The following ZMYND11 variants were observed in gnomAD, a reference collection of about 807,000 sequenced individuals.
ZMYND11 encodes zinc finger MYND-type containing 11.
A neutral mutation model predicts 84.9 loss-of-function variants in ZMYND11; 9 were observed. The ratio of observed to expected loss-of-function variants is 0.11; its 90% CI spans 0.06 to 0.18. The LOEUF (loss-of-function observed/expected upper bound fraction) is 0.18. Ranked by LOEUF, ZMYND11 falls within the 10% of genes least tolerant of loss-of-function variation. ZMYND11 has a pLI of 1.00. For synonymous variants in ZMYND11, 250 were observed against 244.1 expected (o/e 1.02, Z -0.23); for missense variants, 409 against 761.0 (o/e 0.54, Z 5.44).
Position 253,123 on chromosome 10 carries a change from A to T in ZMYND11, c.*653A>T, listed in dbSNP as rs1953820187. The T allele has an allele frequency of 6.6e-6, 1 of 152,654 alleles. No homozygotes were observed. The highest frequency in any genetic ancestry group is 2.4e-5 in the African/African-American group (1 of 41,472). The allele number at this position is 152,654 out of a possible 1,614,324, so 9.5% of individuals were successfully genotyped here. A position where few individuals can be genotyped will look rare whatever the true frequency, so the allele number is the denominator to read the frequency against. On this transcript the variant is annotated 3_prime_UTR_variant, in exon 15 of 15. Transcript: ENST00000381604. ...ATTAGCTTTGATCTTGTAGTTTAAA[A>T]TTGCAGGGAACTGGGGTAATCTTTT...
At chr10:174,840 A>G (rs1554766558) in intron 1 of ZMYND11, among the ~76,000 whole-genome samples, 8 of 144,812 alleles carry the variant, frequency 5.5e-5, no homozygotes, top group African/African-American at 1.0e-4. Flanking sequence ...TCATTCATAC[A>G]TTGGTCAGAA....
chr10:184,462 GGTGTAT>G (rs1397615190), intron 2 of ZMYND11, among the ~76,000 whole-genome samples: 1 of 151,536 alleles, frequency 6.6e-6, no homozygotes, highest in African/African-American at 2.4e-5. Flanking sequence ...AACATTATCT[GGTGTAT>G]ATTCATTTTT....
At chr10:222,004 G>A (rs944578011) in intron 4 of ZMYND11, among the ~76,000 whole-genome samples, 1 of 152,162 alleles carries the variant, frequency 6.6e-6, no homozygotes, top group Non-Finnish European at 1.5e-5. Context: ...AATGTGGTAT[G>A]TGTGTGTATA....
chr10:240,226 C>A, intron 8 of ZMYND11, 115 bp downstream of exon 8: 1 of 944,638 alleles, frequency 1.1e-6, no homozygotes, highest in Non-Finnish European at 1.5e-6. Context: ...TCTTTTATTG[C>A]CGGGCGTGGG....
At chr10:185,347 A>T (rs1937945610) in intron 2 of ZMYND11, among the ~76,000 whole-genome samples, 1 of 151,850 alleles carries the variant, frequency 6.6e-6, no homozygotes, top group South Asian at 2.1e-4. Flanking sequence ...GCATGACCTA[A>T]TTTTGTTGTA....
At chr10:211,400 C>A (rs1367043561) in intron 3 of ZMYND11, among the ~76,000 whole-genome samples, 1 of 152,050 alleles carries the variant, frequency 6.6e-6, no homozygotes, top group Admixed American at 6.6e-5. Flanking sequence ...ATAAAAATGA[C>A]ATAGAATCTT....
intron 1 of ZMYND11, among the ~76,000 whole-genome samples, chr10:144,019 A>AAC (rs1554754623): frequency 6.6e-6 from 1 of 151,798 alleles, no homozygotes; most frequent in South Asian, 2.1e-4. Context: ...AAAAAAAAAA[A>AAC]AACTGCCATT....
Position 252,270 on chromosome 10 carries a change from T to C in ZMYND11, c.1687-78T>C. The stretch of plus-strand genomic sequence containing the variant: ...AGAAAGATCTTTTAAAAGCACCACC[T>C]CAAGAGTTTGCCATTTTAACCAGTC... On this transcript the variant is annotated intron_variant, in intron 14 of 14. Transcript: ENST00000381604. This position sits in a 1 kb window ranked among gnomAD's most constrained non-coding sequence, Gnocchi z 4.6. 4 of 1,550,184 alleles carry C rather than the reference T, an allele frequency of 2.6e-6. No homozygotes were observed. Among genetic ancestry groups the C allele is most frequent in the Non-Finnish European group, 3.5e-6 (4 of 1,135,048 alleles).
chr10:152,462 A>G (rs1840620270), intron 1 of ZMYND11, among the ~76,000 whole-genome samples: 1 of 152,250 alleles, frequency 6.6e-6, no homozygotes, highest in Non-Finnish European at 1.5e-5. Context: ...ATCAAAAGAG[A>G]CAAAGCCATT....
Sources: allele counts gnomAD v4.1 joint callset (sites outside exome capture counted in the v4.1 genomes callset), GRCh38; gene constraint gnomAD v4.1.1; non-coding constraint Gnocchi (gnomAD v3.1); transcripts MANE v1.5; gene names NCBI Gene and HGNC (gene_info 2026-07-23, HGNC 2026-07-21).